Variants in NMU observed in about 807,000 individuals in gnomAD.
NMU encodes neuromedin-U.
Under a neutral mutation model 35.4 loss-of-function variants are expected in NMU, and 29 were observed. That is an observed-to-expected ratio of 0.82 (90% CI 0.61 to 1.12). The LOEUF (loss-of-function observed/expected upper bound fraction) is 1.12, where lower values mean the gene tolerates loss of function less well. Among genes scored for constraint, NMU ranks in the 50% most tolerant of loss-of-function variants. The pLI, the probability that NMU is intolerant of heterozygous loss-of-function variation, is 0.00. For synonymous variants in NMU, 78 were observed against 81.3 expected (o/e 0.96, Z 0.22); for missense variants, 199 against 206.2 (o/e 0.97, Z 0.21).
intron 3 of NMU, 107 bp downstream of exon 3, chr4:55,616,231 C>G (rs1199337915): frequency 2.5e-6 from 2 of 800,878 alleles, no homozygotes; most frequent in Admixed American, 1.8e-5. Context: ...ATATCTCACA[C>G]GTTGACATGT....
chr4:55,614,243 A>C (rs1297358441), intron 3 of NMU, among the ~76,000 whole-genome samples: 1 of 152,186 alleles, frequency 6.6e-6, no homozygotes, highest in East Asian at 1.9e-4. Context: ...CCCCTTCCAC[A>C]TAACCATTAT....
intron 1 of NMU, among the ~76,000 whole-genome samples, chr4:55,634,856 A>G (rs1262157204): frequency 6.6e-6 from 1 of 151,932 alleles, no homozygotes; most frequent in Non-Finnish European, 1.5e-5. Context: ...TTGCTTTTCA[A>G]GTAGGGGAGT....
At chr4:55,596,533 G>C (rs1327705287) in intron 9 of NMU, among the ~76,000 whole-genome samples, 1 of 151,710 alleles carries the variant, frequency 6.6e-6, no homozygotes, top group African/African-American at 2.4e-5. Flanking sequence ...TATTATAAAA[G>C]ATAAAATAGT....
At chr4:55,614,821 G>A (rs1298535321) in intron 3 of NMU, among the ~76,000 whole-genome samples, 19 of 152,120 alleles carry the variant, frequency 1.2e-4, no homozygotes, top group Admixed American at 1.2e-3. Context: ...ATGCATATAT[G>A]CTGATTAATA....
chr4:55,627,920 T>C (rs1202819505), intron 2 of NMU, among the ~76,000 whole-genome samples: 1 of 152,222 alleles, frequency 6.6e-6, no homozygotes, highest in Non-Finnish European at 1.5e-5. Flanking sequence ...GAGAACTTTC[T>C]TAACTGGGTA....
chr4:55,635,894 T>A (rs1450071177), intron 1 of NMU, among the ~76,000 whole-genome samples, 187 bp downstream of exon 1: 5 of 152,224 alleles, frequency 3.3e-5, no homozygotes. Flanking sequence ...CCCTTGCTCC[T>A]ACGTCGCTAG....
At chr4:55,606,236 AT>A (rs1174249029) in intron 6 of NMU, among the ~76,000 whole-genome samples, 1 of 152,238 alleles carries the variant, frequency 6.6e-6, no homozygotes, top group African/African-American at 2.4e-5. Context: ...CATTCCCTAA[AT>A]TGGTTCATGG....
At chr4:55,635,980 A>C in intron 1 of NMU, 101 bp downstream of exon 1, 2 of 1,521,546 alleles carry the variant, frequency 1.3e-6, no homozygotes, top group Non-Finnish European at 1.8e-6. Context: ...AAGTCCCAGA[A>C]GCCAAGTAAA....
chr4:55,633,721 A>C (rs1156482035), intron 1 of NMU, among the ~76,000 whole-genome samples: 1 of 152,196 alleles, frequency 6.6e-6, no homozygotes, highest in African/African-American at 2.4e-5. Context: ...TTCTTTTCTC[A>C]TTGTGAGTAT....
intron 3 of NMU, among the ~76,000 whole-genome samples, chr4:55,612,149 G>C (rs1265815705): frequency 1.3e-5 from 2 of 152,156 alleles, no homozygotes; most frequent in African/African-American, 4.8e-5. Flanking sequence ...TGAATACACA[G>C]GTCACCCCAC....
chr4:55,609,039 G>C (rs1359439621), intron 4 of NMU, 81 bp downstream of exon 4: 4 of 1,116,254 alleles, frequency 3.6e-6, no homozygotes, highest in Non-Finnish European at 5.5e-6. Context: ...TTCCTAAATT[G>C]GGCATATTTT....
intron 7 of NMU, among the ~76,000 whole-genome samples, chr4:55,602,876 A>C (rs1577934742): frequency 6.6e-6 from 1 of 152,350 alleles, no homozygotes; most frequent in Middle Eastern, 3.4e-3. Flanking sequence ...AATTTTGAGG[A>C]ATATATTCAC....
upstream of NMU, chr4:55,636,404 G>C (rs1179266807): frequency 6.2e-6 from 4 of 646,526 alleles, no homozygotes. The surrounding 1 kb of genome is among the most constrained non-coding windows in gnomAD (Gnocchi z 4.0). Context: ...GGCCTACCTC[G>C]CCTCACCCCG....
intron 8 of NMU, 105 bp downstream of exon 8, chr4:55,600,417 C>T (rs1733375809): frequency 2.6e-6 from 2 of 783,830 alleles, no homozygotes; most frequent in Non-Finnish European, 4.4e-6. Flanking sequence ...TGCCAAACAT[C>T]TATAAACTTT....
At chr4:55,605,972 T>C (rs1184647267) in intron 6 of NMU, among the ~76,000 whole-genome samples, 1 of 152,212 alleles carries the variant, frequency 6.6e-6, no homozygotes, top group Non-Finnish European at 1.5e-5. Flanking sequence ...CTATCTGATA[T>C]GGCTGCATTT....
intron 1 of NMU, among the ~76,000 whole-genome samples, chr4:55,635,217 C>T (rs1268049510): frequency 2.6e-5 from 4 of 152,154 alleles, no homozygotes; most frequent in African/African-American, 7.2e-5. Flanking sequence ...CCATAAGGCA[C>T]CTGCAAACGT....
intron 2 of NMU, among the ~76,000 whole-genome samples, chr4:55,618,751 TTCTTTCTTCTCTC>T (rs753525185): frequency 3.3e-3 from 422 of 126,652 alleles, no homozygotes; most frequent in Non-Finnish European, 4.0e-3. Flanking sequence ...TTTCTTCTCT[TTCTTTCTTCTCTC>T]TCTTTCTTCT....
At chr4:55,600,128 CTTTTAA>C (rs1560511475) in intron 8 of NMU, among the ~76,000 whole-genome samples, 1 of 152,086 alleles carries the variant, frequency 6.6e-6, no homozygotes, top group Non-Finnish European at 1.5e-5. Context: ...ATGGCAGATT[CTTTTAA>C]TTTTAAGAAT....
At chr4:55,598,092 T>TC (rs1733269158) in intron 9 of NMU, among the ~76,000 whole-genome samples, 1 of 62,572 alleles carries the variant, frequency 1.6e-5, no homozygotes, top group Non-Finnish European at 3.3e-5. Context: ...GGTTGTGGTT[T>TC]TTTTTTTTTT....
Sources: gnomAD v4.1 joint callset for allele counts (sites outside exome capture counted in the v4.1 genomes callset) on GRCh38, gnomAD v4.1.1 for gene constraint, Gnocchi (gnomAD v3.1) non-coding constraint, MANE v1.5 for transcripts, NCBI Gene and HGNC (gene_info 2026-07-23, HGNC 2026-07-21) for gene names.